Variants in RASSF4 observed in about 807,000 individuals in gnomAD.
RASSF4 encodes Ras association domain family member 4, also known as ras association domain-containing protein 4.
A neutral mutation model predicts 41.1 loss-of-function variants in RASSF4; 38 were observed. The ratio of observed to expected loss-of-function variants is 0.92; its 90% CI spans 0.71 to 1.21. The LOEUF (loss-of-function observed/expected upper bound fraction) is 1.21, where lower values mean the gene tolerates loss of function less well. RASSF4 is among the 50% of genes most tolerant of loss of function. The pLI is 0.00. For missense variants in RASSF4, 414 were observed against 419.4 expected, an observed-to-expected ratio of 0.99 and a Z score of 0.11; for synonymous variants, 179 against 163.4, an observed-to-expected ratio of 1.10 and a Z score of -0.73.
At chr10:44,989,848 C>A (rs1047439273) in intron 8 of RASSF4, 127 bp downstream of exon 8, 1 of 803,146 alleles carries the variant, frequency 1.2e-6, no homozygotes, top group Non-Finnish European at 2.2e-6. Flanking sequence ...GCCTAGTGGG[C>A]TAGGGCACAC....
At chr10:44,990,870 T>G in intron 8 of RASSF4, 78 bp from the exon 9 acceptor site, 1 of 1,496,548 alleles carries the variant, frequency 6.7e-7, no homozygotes, top group Non-Finnish European at 9.1e-7. Context: ...GACGCACATT[T>G]TCTATCAGTT....
At chr10:44,969,067 AATGT>A (rs1022782949) in intron 1 of RASSF4, among the ~76,000 whole-genome samples, 102 of 146,926 alleles carry the variant, frequency 6.9e-4, no homozygotes, top group South Asian at 1.9e-3. Context: ...GTTGAGTGTG[AATGT>A]ATGTGTGTGT....
At chr10:44,982,783 A>C in intron 4 of RASSF4, 120 bp downstream of exon 4, 1 of 1,123,920 alleles carries the variant, frequency 8.9e-7, no homozygotes, top group Non-Finnish European at 1.3e-6. Flanking sequence ...AGGGTGACCC[A>C]GCCTCATCCC....
At chr10:44,977,245 G>T in intron 3 of RASSF4, 1 of 973,036 alleles carries the variant, frequency 1.0e-6, no homozygotes, top group Non-Finnish European at 1.5e-6. Flanking sequence ...AGAGGGGGTC[G>T]GTCTCACTGT....
In RASSF4 at chr10:44,991,066, T is replaced by C; in HGVS notation, c.804T>C (p.His268=). ...MEADLGVEVP[H]EVAQYIKFEM... Reference sequence around the variant, plus strand: ...CTGACTTGGGCGTGGAAGTCCCCCATGAAGTGAGTGGGGGCCAAGGCTGGG... The same window carrying C: ...CTGACTTGGGCGTGGAAGTCCCCCACGAAGTGAGTGGGGGCCAAGGCTGGG... The change falls in exon 9 of 11, where the codon CAT becomes CAC. Residue 268 remains histidine (H), a synonymous_variant. Coordinates refer to ENST00000340258, the MANE Select transcript of RASSF4 (RefSeq NM_032023.4). The C allele has an allele frequency of 6.2e-7, 1 of 1,611,890 alleles. No individual in the cohort carries two copies. Among genetic ancestry groups the C allele is most frequent in the Non-Finnish European group, 8.5e-7 (1 of 1,178,618 alleles).
chr10:44,990,058 TCTC>T (rs1842053459), intron 8 of RASSF4, among the ~76,000 whole-genome samples: 2 of 152,222 alleles, frequency 1.3e-5, no homozygotes, highest in Non-Finnish European at 2.9e-5. Context: ...GAAGCCTCCC[TCTC>T]CGCCTCTTCC....
At chr10:44,993,235 C>T (rs1417218308) in intron 10 of RASSF4, 34 bp from the exon 11 acceptor site, 1 of 1,603,508 alleles carries the variant, frequency 6.2e-7, no homozygotes, top group Non-Finnish European at 8.5e-7. Flanking sequence ...CCTGTCTGGC[C>T]TCAGTGAGTC....
At chr10:44,966,505 C>A (rs188259194) in intron 1 of RASSF4, among the ~76,000 whole-genome samples, 1 of 152,278 alleles carries the variant, frequency 6.6e-6, no homozygotes, top group African/African-American at 2.4e-5. Context: ...AGTGAAAGTA[C>A]ACACTCAAGA....
In RASSF4 at chr10:44,984,983, C is replaced by G; in HGVS notation, c.531+13C>G. ...CTACAATCATAAGGTGATGCCCCAG[C>G]CTGGCCTCTCCCCTGGGCGCATGGG... On this transcript the variant is annotated intron_variant, in intron 6 of 10. Coordinates refer to ENST00000340258, the MANE Select transcript of RASSF4 (RefSeq NM_032023.4). 6.2e-7 allele frequency: 1 copy of G among 1,604,796 alleles called. No individual in the cohort carries two copies. The highest frequency in any genetic ancestry group is 8.5e-7 in the Non-Finnish European group (1 of 1,177,344).
intron 1 of RASSF4, among the ~76,000 whole-genome samples, chr10:44,962,175 G>A (rs924559241): frequency 2.6e-5 from 4 of 152,200 alleles, no homozygotes; most frequent in Non-Finnish European, 2.9e-5. Context: ...GGCGCAACAC[G>A]CTAGGATCAC....
chr10:44,977,230 T>TA, intron 3 of RASSF4: 2 of 847,482 alleles, frequency 2.4e-6, no homozygotes, highest in Non-Finnish European at 3.6e-6. Context: ...GCTGTTATCA[T>TA]ATTCAGAGGG....
At chr10:44,990,750 C>A in intron 8 of RASSF4, 198 bp from the exon 9 acceptor site, 1 of 486,276 alleles carries the variant, frequency 2.1e-6, no homozygotes, top group Non-Finnish European at 3.7e-6. Context: ...ATCCTTATGC[C>A]AAAGTGGCAG....
At chr10:44,977,343 G>T in intron 3 of RASSF4, 1 of 1,514,136 alleles carries the variant, frequency 6.6e-7, no homozygotes, top group South Asian at 1.3e-5. Flanking sequence ...GAGACGAGAG[G>T]AGATGCAGAC....
Position 44,989,270 on chromosome 10 carries a change from A to G in RASSF4, c.532-4A>G, listed in dbSNP as rs764592653. The G allele has an allele frequency of 6.3e-5, 101 of 1,604,398 alleles. No individual in the cohort carries two copies. Among genetic ancestry groups the G allele is most frequent in the Non-Finnish European group, 8.0e-5 (94 of 1,171,608 alleles). On this transcript the variant is annotated splice_region_variant and splice_polypyrimidine_tract_variant and intron_variant, in intron 6 of 10. Transcript: ENST00000340258. Reference sequence around the variant, plus strand: ...ACCTGAACTTCTCTCCCTTCCTGGTACAGACCTCCGTGTTTACTCCAGCCT... The same window carrying G: ...ACCTGAACTTCTCTCCCTTCCTGGTGCAGACCTCCGTGTTTACTCCAGCCT...
rs138787539 is a variant in RASSF4 at position 44,984,950 on chromosome 10, G to C, written c.511G>C (p.Gly171Arg). 6.8e-6 allele frequency: 11 copies of C among 1,612,428 alleles called. No individual in the cohort carries two copies. Among genetic ancestry groups the C allele is most frequent in the Admixed American group, 1.7e-5 (1 of 60,002 alleles). ...RIRRHRFSINGHFYNHKTSVF... is the reference protein window; with the variant it reads ...RIRRHRFSINRHFYNHKTSVF... ...CCGGCGACACCGGTTCTCTATCAACGGCCACTTCTACAATCATAAGGTGAT... is the reference window on the plus strand; with the variant it reads ...CCGGCGACACCGGTTCTCTATCAACCGCCACTTCTACAATCATAAGGTGAT... The change falls in exon 6 of 11, where the codon GGC becomes CGC. Residue 171 changes from glycine (G) to arginine (R), a missense_variant. By Grantham distance (125) the Gly-to-Arg change is moderately radical. Coordinates refer to ENST00000340258, the MANE Select transcript of RASSF4 (RefSeq NM_032023.4).
intron 10 of RASSF4, among the ~76,000 whole-genome samples, chr10:44,992,901 C>T (rs565501308): frequency 6.6e-6 from 1 of 152,286 alleles, no homozygotes; most frequent in South Asian, 2.1e-4. Context: ...TGGGTCCACT[C>T]AACGTACAGA....
intron 3 of RASSF4, among the ~76,000 whole-genome samples, chr10:44,975,611 A>G (rs12781090): frequency 8.0e-6 from 1 of 125,242 alleles, no homozygotes; most frequent in African/African-American, 3.2e-5. Context: ...CAGTGGCAAG[A>G]AGGAAGGAGA....
intron 2 of RASSF4, chr10:44,970,999 C>T (rs1411008288): frequency 1.2e-5 from 2 of 171,914 alleles, no homozygotes; most frequent in Non-Finnish European, 2.5e-5. Context: ...CTGGCCCCAC[C>T]TCCAACACTG....
chr10:44,974,540 C>T (rs1841314704), intron 3 of RASSF4, among the ~76,000 whole-genome samples: 1 of 152,234 alleles, frequency 6.6e-6, no homozygotes, highest in Non-Finnish European at 1.5e-5. Flanking sequence ...CTGTTTGTTG[C>T]CCTTGAGCCC....
Sources: allele counts gnomAD v4.1 joint callset (sites outside exome capture counted in the v4.1 genomes callset), GRCh38; gene constraint gnomAD v4.1.1; transcripts MANE v1.5; gene names NCBI Gene and HGNC (gene_info 2026-07-23, HGNC 2026-07-21).